Variants in BRF1 observed in about 807,000 individuals in gnomAD.
The protein encoded by BRF1 is BRF1 general transcription factor IIIB subunit.
Under a neutral mutation model 81.7 loss-of-function variants are expected in BRF1, and 59 were observed. The observed-to-expected ratio is 0.72, with a 90% CI of 0.59 to 0.90. BRF1 has a LOEUF of 0.90. Ranked by LOEUF, BRF1 falls within the 40% of genes least tolerant of loss-of-function variation. BRF1 has a pLI of 0.00. For missense variants in BRF1, 1,050 were observed against 936.3 expected (o/e 1.12, Z -1.58); for synonymous variants, 491 against 395.6 (o/e 1.24, Z -2.86).
intron 4 of BRF1, 82 bp from the exon 5 acceptor site, chr14:105,252,661 G>T: frequency 6.9e-7 from 1 of 1,455,382 alleles, no homozygotes. Flanking sequence ...TGCATCTCTT[G>T]TGCAGTCTTT....
At position 105,221,897 on chromosome 14, in the gene BRF1, C is replaced by T. The variant is rs138987370; in HGVS notation, c.1066G>A (p.Ala356Thr). 93 of 1,594,354 alleles carry T rather than the reference C, an allele frequency of 5.8e-5. No individual in the cohort carries two copies. The highest frequency in any genetic ancestry group is 1.8e-4 in the East Asian group (8 of 44,104). The change falls in exon 11 of 18, where the codon GCG becomes ACG. Residue 356 changes from alanine (A) to threonine (T), a missense_variant. This residue lies in a region of BRF1 where 1,043 missense variants were observed against 915.4 expected (regional missense o/e 1.14). Transcript: ENST00000547530. ...LAKDGSTEDT[A>T]SSLCGEEDTE... ...TCCTCCTCGCCACACAAGCTGGACG[C>T]GGTGTCCTCGGTGGAGCCTAGGTGT...
chr14:105,228,866 C>G lies in BRF1; in HGVS notation c.742G>C (p.Glu248Gln), dbSNP rs1595326275. The G allele has an allele frequency of 6.2e-7, 1 of 1,613,878 alleles. No individual in the cohort carries two copies. The highest frequency in any genetic ancestry group is 8.5e-7 in the Non-Finnish European group (1 of 1,180,012). Residue 248 changes from glutamate to glutamine, a missense_variant, in exon 7 of 18, where the codon GAG becomes CAG. Glu to Gln is a conservative substitution (Grantham distance 29). Coordinates refer to ENST00000547530, the MANE Select transcript of BRF1 (RefSeq NM_001519.4). ...RMHDFRRTVK[E>Q]VISVVKVCES... Reference sequence around the variant, plus strand: ...CACACTTTGACCACACTGATGACCTCCTTCACAGTCCTCCTGAAGTCATGC... The same window carrying G: ...CACACTTTGACCACACTGATGACCTGCTTCACAGTCCTCCTGAAGTCATGC...
chr14:105,229,323 A>G (rs2054325907), intron 6 of BRF1, among the ~76,000 whole-genome samples: 1 of 152,232 alleles, frequency 6.6e-6, no homozygotes, highest in Non-Finnish European at 1.5e-5. Flanking sequence ...CACCAAGGCC[A>G]CAGTGGGCCC....
chr14:105,301,042 T>A (rs2057999752), upstream of BRF1: 1 of 148,842 alleles, frequency 6.7e-6, no homozygotes, highest in African/African-American at 2.5e-5. Context: ...AGCCCGGGAC[T>A]GGAGTTTGGG....
intron 2 of BRF1, among the ~76,000 whole-genome samples, chr14:105,285,663 A>T (rs1392510038): frequency 6.6e-6 from 1 of 152,218 alleles, no homozygotes; most frequent in East Asian, 1.9e-4. Flanking sequence ...GGTAAACTGG[A>T]TACTATCAGA....
intron 6 of BRF1, 107 bp from the exon 7 acceptor site, chr14:105,229,020 G>A: frequency 2.0e-6 from 2 of 992,706 alleles, no homozygotes; most frequent in Non-Finnish European, 3.2e-6. Flanking sequence ...ATGATGGCCT[G>A]AGAAGACGTG....
chr14:105,259,151 A>T (rs2056034624), intron 3 of BRF1, among the ~76,000 whole-genome samples: 1 of 152,122 alleles, frequency 6.6e-6, no homozygotes, highest in Admixed American at 6.5e-5. Context: ...AGAGAAATAA[A>T]AACAGATGTC....
At chr14:105,312,584 T>C (rs2058375422) in intron 1 of BRF1, among the ~76,000 whole-genome samples, 1 of 152,172 alleles carries the variant, frequency 6.6e-6, no homozygotes, top group African/African-American at 2.4e-5. Flanking sequence ...GCCAGGGTCA[T>C]AGCATGGGGA....
intron 1 of BRF1, among the ~76,000 whole-genome samples, chr14:105,306,826 G>A (rs1021142021): frequency 1.3e-5 from 2 of 151,942 alleles, no homozygotes; most frequent in African/African-American, 4.8e-5. Flanking sequence ...GGCTCGTCTT[G>A]AATTCCTGAC....
upstream of BRF1, among the ~76,000 whole-genome samples, chr14:105,303,971 T>A (rs116990277): frequency 0.018 from 2,714 of 152,334 alleles, 37 homozygotes; most frequent in Non-Finnish European, 0.029. Context: ...TCTGAGGCCA[T>A]GTGGCCACTG....
At position 105,228,908 on chromosome 14, in the gene BRF1, G is replaced by A. The variant is rs2054250095; in HGVS notation, c.700C>T (p.Leu234=). ...RPSGLCGAAL[L]VAARMHDFRR... is the part of the protein sequence containing the mutation. ...AAGTCATGCATTCTGGCTGCAACCA[G>A]GAGCGCTGGAAGGCAACGAGACGGG... Residue 234 remains leucine (L), a synonymous_variant, in exon 7 of 18, where the codon CTG becomes TTG. Coordinates refer to ENST00000547530, the MANE Select transcript of BRF1 (RefSeq NM_001519.4). The A allele has an allele frequency of 1.2e-6, 2 of 1,613,538 alleles. No homozygotes were observed.
rs1441994563 is a variant in BRF1 at position 105,300,550 on chromosome 14, G to A, written c.80C>T (p.Ala27Val). The change falls in exon 1 of 18, where the codon GCC becomes GTC. Residue 27 changes from alanine to valine, a missense_variant. By Grantham distance (64) the Ala-to-Val change is moderately conservative. Transcript: ENST00000547530. Reference protein sequence around the residue: ...DAARGDAVCTACGSVLEDNII... With the variant: ...DAARGDAVCTVCGSVLEDNII... ...GTTGTCCTCCAGCACTGAGCCGCAG[G>A]CGGTGCACACCGCGTCCCCGCGCGC... 2 of 1,522,258 alleles carry A rather than the reference G, an allele frequency of 1.3e-6. No individual in the cohort carries two copies. The highest frequency in any genetic ancestry group is 2.0e-5 in the Admixed American group (1 of 49,312). The allele number at this position is 1,522,258 out of a possible 1,614,324, so 94.3% of individuals were successfully genotyped here.
intron 2 of BRF1, 29 bp from the exon 3 acceptor site, chr14:105,272,923 C>A: frequency 6.4e-7 from 1 of 1,550,720 alleles, no homozygotes. Context: ...CAGCTCTTAG[C>A]CAAATGTTCC....
intron 1 of BRF1, chr14:105,314,471 G>GGCGCC (rs2058463104): frequency 6.7e-6 from 1 of 149,606 alleles, no homozygotes; most frequent in Non-Finnish European, 1.5e-5. Flanking sequence ...GGCGGGGCGG[G>GGCGCC]GCGCCCCGGG....
At chr14:105,249,964 G>A (rs772007157) in intron 5 of BRF1, 2 of 1,612,338 alleles carry the variant, frequency 1.2e-6, no homozygotes, top group Admixed American at 1.7e-5. Context: ...TGGTCTTCGA[G>A]GCCGTCCTGA....
intron 1 of BRF1, chr14:105,314,845 G>C (rs1284243954): frequency 1.6e-6 from 1 of 611,100 alleles, no homozygotes; most frequent in Non-Finnish European, 2.0e-6. Context: ...CCCTCCGCGC[G>C]CCCGGCCCGC....
intron 1 of BRF1, among the ~76,000 whole-genome samples, chr14:105,293,360 C>T (rs1361887848): frequency 6.6e-6 from 1 of 152,230 alleles, no homozygotes; most frequent in African/African-American, 2.4e-5. Context: ...ACGGACACCC[C>T]AGCTTCGAAG....
At chr14:105,305,324 C>T (rs1011128611), upstream of BRF1, among the ~76,000 whole-genome samples, 1 of 152,136 alleles carries the variant, frequency 6.6e-6, no homozygotes, top group African/African-American at 2.4e-5. Context: ...ATTGCTTGAG[C>T]CCAGAAAGTT....
intron 1 of BRF1, among the ~76,000 whole-genome samples, chr14:105,307,170 A>G (rs945531745): frequency 6.6e-6 from 1 of 151,498 alleles, no homozygotes; most frequent in Non-Finnish European, 1.5e-5. Flanking sequence ...CCAGCCTCCC[A>G]AAGTACTGAG....
Sources: allele counts gnomAD v4.1 joint callset (sites outside exome capture counted in the v4.1 genomes callset), GRCh38; gene constraint gnomAD v4.1.1; regional missense constraint gnomAD v4.1.1; transcripts MANE v1.5; gene names NCBI Gene and HGNC (gene_info 2026-07-23, HGNC 2026-07-21).